BBS5: variants seen among roughly 807,000 people sequenced by gnomAD.
BBS5 encodes the protein BBSome complex member BBS5.
A neutral mutation model predicts 50.2 loss-of-function variants in BBS5; 39 were observed. The ratio of observed to expected loss-of-function variants is 0.78; its 90% CI spans 0.60 to 1.01. The LOEUF (loss-of-function observed/expected upper bound fraction) is 1.01. Ranked by LOEUF, BBS5 falls within the 50% of genes least tolerant of loss-of-function variation. The probability of loss-of-function intolerance (pLI) is 0.00; values close to 1 mark genes in which losing one functional copy is unlikely to be tolerated. For synonymous variants in BBS5, 134 were observed against 133.1 expected (o/e 1.01, Z -0.05); for missense variants, 356 against 401.5 (o/e 0.89, Z 0.97).
chr2:169,482,652 G>C (rs1683418203), intron 2 of BBS5: 1 of 339,760 alleles, frequency 2.9e-6, no homozygotes, highest in Admixed American at 4.3e-5. Flanking sequence ...TGGGGTAGTG[G>C]AATATAAGTA....
intron 3 of BBS5, 124 bp downstream of exon 3, chr2:169,487,258 C>A: frequency 1.4e-6 from 1 of 712,500 alleles, no homozygotes; most frequent in South Asian, 1.6e-5. Context: ...TTCAGAAATC[C>A]TAGACATCAT....
At chr2:169,481,938 C>A (rs1042028431) in intron 1 of BBS5, among the ~76,000 whole-genome samples, 1 of 152,152 alleles carries the variant, frequency 6.6e-6, no homozygotes, top group Non-Finnish European at 1.5e-5. Context: ...GCTTGGCCAG[C>A]CTTCTCCCAT....
At position 169,487,218 on chromosome 2, in the gene BBS5, A is replaced by G. The variant is rs1028406705; in HGVS notation, c.208+84A>G. 6 of 846,908 alleles carry G rather than the reference A, an allele frequency of 7.1e-6. No homozygotes were observed. In the Admixed American group the frequency reaches 8.1e-5, roughly 11 times the overall value. The allele number at this position is 846,908 out of a possible 1,614,324, so 52.5% of individuals were successfully genotyped here. On this transcript the variant is annotated intron_variant, in intron 3 of 11. Transcript: ENST00000295240. ...ATGGTGCCTTTGATACCAAAGAAGT[A>G]TGTAGAAATATTAATAAAAATAAAA...
intron 7 of BBS5, 71 bp from the exon 8 acceptor site, chr2:169,497,556 A>G (rs1211171391): frequency 2.1e-6 from 2 of 939,576 alleles, no homozygotes; most frequent in Non-Finnish European, 3.5e-6. Flanking sequence ...GTAAAGTTTA[A>G]AAACTGAGTT....
chr2:169,504,898 C>A lies in BBS5; in HGVS notation c.*316C>A, dbSNP rs922991666. 6.3e-5 allele frequency: 101 copies of A among 1,613,562 alleles called. No individual in the cohort carries two copies. Among genetic ancestry groups the A allele is most frequent in the Non-Finnish European group, 2.4e-5 (28 of 1,179,876 alleles). The stretch of plus-strand genomic sequence containing the variant: ...GCCTGCACGCCCGGCTGCAAATTCG[C>A]CCAGCCAATGGGGACGTTGCGGCCC... On this transcript the variant is annotated 3_prime_UTR_variant, in exon 12 of 12. Transcript: ENST00000295240.
intron 7 of BBS5, among the ~76,000 whole-genome samples, chr2:169,494,318 AT>A (rs1338455470): frequency 6.6e-6 from 1 of 152,200 alleles, no homozygotes; most frequent in Non-Finnish European, 1.5e-5. Context: ...CTTTCATTGT[AT>A]TTAGATACAG....
chr2:169,479,519 G>A lies in BBS5; in HGVS notation c.-35G>A. On this transcript the variant is annotated 5_prime_UTR_variant, in exon 1 of 12. Coordinates refer to ENST00000295240, the MANE Select transcript of BBS5 (RefSeq NM_152384.3). ...AGAGAGACGCAGCTAGGCCTGCACG[G>A]CTGTGGAGAGATCCTGCCACGGGCC... 2 of 1,613,230 alleles carry A rather than the reference G, an allele frequency of 1.2e-6. No individual in the cohort carries two copies. Among genetic ancestry groups the A allele is most frequent in the Non-Finnish European group, 1.7e-6 (2 of 1,179,268 alleles).
At chr2:169,493,951 T>C in intron 7 of BBS5, 115 bp downstream of exon 7, 2 of 682,688 alleles carry the variant, frequency 2.9e-6, no homozygotes, top group South Asian at 1.8e-5. Flanking sequence ...GTAGCAGTTA[T>C]TAGCTGAGAG....
intron 5 of BBS5, among the ~76,000 whole-genome samples, chr2:169,491,677 GTTC>G (rs1271314697): frequency 6.8e-6 from 1 of 147,164 alleles, no homozygotes; most frequent in African/African-American, 2.5e-5. Flanking sequence ...CTCCCTCCCT[GTTC>G]TTCTCTTCCT....
In BBS5 at chr2:169,503,145, A is replaced by G. The variant is rs767142551; in HGVS notation, c.867A>G (p.Glu289=). The G allele has an allele frequency of 6.2e-7, 1 of 1,614,030 alleles. No individual in the cohort carries two copies. The highest frequency in any genetic ancestry group is 2.2e-5 in the East Asian group (1 of 44,878). Residue 289 remains glutamate, a synonymous_variant, in exon 10 of 12, where the codon GAA becomes GAG. Coordinates refer to ENST00000295240, the MANE Select transcript of BBS5 (RefSeq NM_152384.3). The part of the protein sequence containing the change: ...LTVEQIQDDV[E]IDSDGHTDAF... Reference sequence around the variant, plus strand: ...TCGAACAAATTCAAGATGATGTAGAAATAGACTCTGATGGTCACACGGATG... The same window carrying G: ...TCGAACAAATTCAAGATGATGTAGAGATAGACTCTGATGGTCACACGGATG...
chr2:169,499,555 A>G lies in BBS5; in HGVS notation c.751A>G (p.Asn251Asp), dbSNP rs143113298. The stretch of plus-strand genomic sequence containing the variant: ...ACTACAAGAATCAGTTAAGGAAATC[A>G]ATTCACTTCACAAAGTCTATTCTGC... ...EKLQESVKEI[N>D]SLHKVYSASP... Residue 251 changes from asparagine to aspartate, a missense_variant, in exon 9 of 12, where the codon AAT (asparagine) becomes GAT (aspartate). Physicochemically the swap from Asn to Asp is conservative, Grantham distance 23 (BLOSUM62 1). Transcript: ENST00000295240. 1.3e-3 allele frequency: 2,020 copies of G among 1,613,550 alleles called. 3 individuals are homozygous for G. Among genetic ancestry groups the G allele is most frequent in the Middle Eastern group, 2.0e-3 (12 of 6,060 alleles).
At position 169,504,808 on chromosome 2, in the gene BBS5, G is replaced by C. The variant is rs1211513068; in HGVS notation, c.*226G>C. On this transcript the variant is annotated 3_prime_UTR_variant, in exon 12 of 12. Transcript: ENST00000295240. Reference sequence around the variant, plus strand: ...CATGGCCTAGTAACCGTCCGGCCGCGGCGCTGGCTTAAGCCATGGCTGAGG... The same window carrying C: ...CATGGCCTAGTAACCGTCCGGCCGCCGCGCTGGCTTAAGCCATGGCTGAGG... 6 of 1,564,632 alleles carry C rather than the reference G, an allele frequency of 3.8e-6. No homozygotes were observed. The highest frequency in any genetic ancestry group is 5.2e-6 in the Non-Finnish European group (6 of 1,153,204).
At chr2:169,490,726 A>G (rs77741684) in intron 5 of BBS5, among the ~76,000 whole-genome samples, 7,052 of 152,240 alleles carry the variant, frequency 0.046, 203 homozygotes, top group Middle Eastern at 0.095. Context: ...TATATTCACA[A>G]TACTGTTCAA....
chr2:169,490,909 T>C (rs931667458), intron 5 of BBS5, among the ~76,000 whole-genome samples: 2 of 152,200 alleles, frequency 1.3e-5, no homozygotes, highest in Non-Finnish European at 2.9e-5. Flanking sequence ...AATCATATAA[T>C]ATGTGGCCTT....
chr2:169,489,396 G>A (rs944207481), intron 5 of BBS5, among the ~76,000 whole-genome samples: 8 of 151,826 alleles, frequency 5.3e-5, no homozygotes, highest in African/African-American at 1.7e-4. Flanking sequence ...CAGGGAGATG[G>A]AGGTTGCAGT....
intron 7 of BBS5, among the ~76,000 whole-genome samples, chr2:169,496,618 C>T (rs951631201): frequency 7.9e-5 from 12 of 151,968 alleles, no homozygotes; most frequent in Non-Finnish European, 1.6e-4. Flanking sequence ...GCCTGTAATC[C>T]CAGCACTTTG....
In BBS5 at chr2:169,479,701, C is replaced by T. The variant is rs1412985701; in HGVS notation, c.59+89C>T. 4.3e-6 allele frequency: 6 copies of T among 1,411,176 alleles called. No individual in the cohort carries two copies. In the Admixed American group the frequency reaches 1.1e-4, roughly 25 times the overall value. The allele number at this position is 1,411,176 out of a possible 1,614,324, so 87.4% of individuals were successfully genotyped here. On this transcript the variant is annotated intron_variant, in intron 1 of 11. Transcript: ENST00000295240. ...GACCCGCGGGCGGAGACTGCACCTCCGCAGCTCGCGGCCCTGGTGAGGGTG... is the reference window on the plus strand; with the variant it reads ...GACCCGCGGGCGGAGACTGCACCTCTGCAGCTCGCGGCCCTGGTGAGGGTG...
At position 169,483,983 on chromosome 2, in the gene BBS5, G is replaced by A. The variant is rs189735760; in HGVS notation, c.142+1650G>A. On this transcript the variant is annotated intron_variant, in intron 2 of 11. Transcript: ENST00000295240. Reference sequence around the variant, plus strand: ...AGGAACTCTTCATAAAACATTTTTCGATTCCTCAGATATTCATTGAGCGCA... The same window carrying A: ...AGGAACTCTTCATAAAACATTTTTCAATTCCTCAGATATTCATTGAGCGCA... 9.2e-5 allele frequency among the ~76,000 whole-genome samples: 14 copies of A among 152,216 alleles called. No homozygotes were observed. The East Asian group carries it at 2.3e-3, about 25-fold the overall frequency.
intron 8 of BBS5, among the ~76,000 whole-genome samples, chr2:169,498,619 C>T (rs1445406584): frequency 2.0e-5 from 3 of 151,806 alleles, no homozygotes; most frequent in Non-Finnish European, 2.9e-5. Context: ...AGATCGAGAC[C>T]ACGGTGAAAC....
Sources: gnomAD v4.1 joint callset for allele counts (sites outside exome capture counted in the v4.1 genomes callset) on GRCh38, gnomAD v4.1.1 for gene constraint, MANE v1.5 for transcripts, NCBI Gene and HGNC (gene_info 2026-07-23, HGNC 2026-07-21) for gene names.